PCDHA5: variants seen among roughly 807,000 people sequenced by gnomAD.
The protein encoded by PCDHA5 is protocadherin alpha-5.
In PCDHA5, 43 loss-of-function variants were observed where a neutral mutation model predicts 61.6. The ratio of observed to expected loss-of-function variants is 0.70; its 90% CI spans 0.55 to 0.90. The LOEUF (loss-of-function observed/expected upper bound fraction) is 0.90. PCDHA5 is among the 40% of genes least tolerant of loss of function. PCDHA5 has a pLI of 0.00. For missense variants in PCDHA5, 1,298 were observed against 1,222.7 expected (o/e 1.06, Z -0.92); for synonymous variants, 627 against 543.9 (o/e 1.15, Z -2.13).
chr5:140,842,896 C>G, intron 1 of PCDHA5: 1 of 1,594,370 alleles, frequency 6.3e-7, no homozygotes, highest in Non-Finnish European at 8.6e-7. Context: ...CGCTGGACCA[C>G]GAGGAGCTAG....
At position 140,858,524 on chromosome 5, in the gene PCDHA5, T is replaced by C. The variant is rs1562538927; in HGVS notation, c.2352+34397T>C. 9 of 1,408,436 alleles carry C rather than the reference T, an allele frequency of 6.4e-6. 1 individual carries two copies. Among genetic ancestry groups the C allele is most frequent in the Admixed American group, 2.0e-5 (1 of 49,940 alleles). The allele number at this position is 1,408,436 out of a possible 1,614,324, so 87.2% of individuals were successfully genotyped here. A position where few individuals can be genotyped will look rare whatever the true frequency, so the allele number is the denominator to read the frequency against. On this transcript the variant is annotated intron_variant, in intron 1 of 3. Coordinates refer to ENST00000529859, the MANE Select transcript of PCDHA5 (RefSeq NM_018908.3). ...TTTCTCAAATATGTATCAGAATATT[T>C]CATTTTTGTCTACATTCCATTTATG...
At chr5:140,971,952 C>T (rs782029862) in intron 1 of PCDHA5, among the ~76,000 whole-genome samples, 3 of 152,012 alleles carry the variant, frequency 2.0e-5, no homozygotes, top group Non-Finnish European at 4.4e-5. Context: ...CATCTGACTC[C>T]AAAAACTTTT....
chr5:140,870,898 G>A (rs781950776), intron 1 of PCDHA5: 124 of 1,613,858 alleles, frequency 7.7e-5, no homozygotes, highest in Non-Finnish European at 1.0e-4. Flanking sequence ...AGTGGATGCG[G>A]ACTCAGGCTA....
intron 1 of PCDHA5, chr5:140,830,390 A>T (rs1554132803): frequency 1.9e-6 from 3 of 1,614,042 alleles, no homozygotes; most frequent in East Asian, 2.2e-5. Flanking sequence ...CCCACCCAAG[A>T]TGGATCTCAT....
intron 1 of PCDHA5, chr5:140,926,708 C>G (rs1554203635): frequency 2.2e-6 from 2 of 896,142 alleles, no homozygotes; most frequent in South Asian, 5.3e-5. Context: ...CCCAGCTGGC[C>G]AGCCCCGGCA....
chr5:140,869,945 T>C lies in PCDHA5; in HGVS notation c.2352+45818T>C, dbSNP rs528075021. On this transcript the variant is annotated intron_variant, in intron 1 of 3. Transcript: ENST00000529859. ...GTCAATGGAGAGGTAACATACTCCTTAATGTCAATTAAGCCCAATGGAAGA... is the reference window on the plus strand; with the variant it reads ...GTCAATGGAGAGGTAACATACTCCTCAATGTCAATTAAGCCCAATGGAAGA... 8 of 1,612,376 alleles carry C rather than the reference T, an allele frequency of 5.0e-6. No individual in the cohort carries two copies. The African/African-American group carries it at 8.0e-5, about 16-fold the overall frequency.
At chr5:140,884,706 C>T (rs1554181856) in intron 1 of PCDHA5, 3 of 1,489,002 alleles carry the variant, frequency 2.0e-6, no homozygotes, top group Non-Finnish European at 8.9e-7. Flanking sequence ...ACACTTTAGC[C>T]TTCCTTGCAG....
chr5:140,912,261 C>T (rs2075834049), intron 1 of PCDHA5, among the ~76,000 whole-genome samples: 2 of 152,116 alleles, frequency 1.3e-5, no homozygotes, highest in Non-Finnish European at 2.9e-5. Context: ...TTGATGACAC[C>T]CTCACAGATA....
Position 140,928,713 on chromosome 5 carries a change from T to C in PCDHA5, c.2353-50236T>C, listed in dbSNP as rs535812769. The C allele has an allele frequency of 3.1e-6, 5 of 1,614,142 alleles. No individual in the cohort carries two copies. In the African/African-American group the frequency reaches 6.7e-5, roughly 22 times the overall value. ...ACATCTCCCGGGCGTCTGACTCTAG[T>C]CTCTTTAGAATTTCAGCCAATATAG... On this transcript the variant is annotated intron_variant, in intron 1 of 3. Coordinates refer to ENST00000529859, the MANE Select transcript of PCDHA5 (RefSeq NM_018908.3).
intron 1 of PCDHA5, chr5:140,882,030 T>G (rs1582587950): frequency 3.3e-6 from 2 of 612,804 alleles, no homozygotes; most frequent in East Asian, 5.9e-5. Flanking sequence ...CAATGGAAAA[T>G]ATGAAGACTG....
chr5:141,006,388 A>AT (rs2098271631), intron 3 of PCDHA5, among the ~76,000 whole-genome samples: 1 of 151,322 alleles, frequency 6.6e-6, no homozygotes, highest in African/African-American at 2.4e-5. Flanking sequence ...AGTTTTTTCT[A>AT]TTTTTTAGTA....
At chr5:140,971,207 A>C (rs2096463327) in intron 1 of PCDHA5, among the ~76,000 whole-genome samples, 1 of 152,050 alleles carries the variant, frequency 6.6e-6, no homozygotes, top group South Asian at 2.1e-4. Flanking sequence ...AGACACTGTT[A>C]CCCTCCCTCT....
At chr5:140,929,391 A>T (rs1563116530) in intron 1 of PCDHA5, 3 of 1,511,404 alleles carry the variant, frequency 2.0e-6, no homozygotes, top group Non-Finnish European at 2.7e-6. Context: ...GTTTTGAAAT[A>T]TTTCTTAGAC....
In PCDHA5 at chr5:140,857,593, G is replaced by C. The variant is rs782606088; in HGVS notation, c.2352+33466G>C. ...TGTCGGTGCACGCGGAGAGCGGCAAGGTGTACGCGCTGCAGCCGCTGGACC... is the reference window on the plus strand; with the variant it reads ...TGTCGGTGCACGCGGAGAGCGGCAACGTGTACGCGCTGCAGCCGCTGGACC... On this transcript the variant is annotated intron_variant, in intron 1 of 3. Coordinates refer to ENST00000529859, the MANE Select transcript of PCDHA5 (RefSeq NM_018908.3). 2.5e-6 allele frequency: 4 copies of C among 1,596,536 alleles called. No individual in the cohort carries two copies. The East Asian group carries it at 6.7e-5, about 27-fold the overall frequency.
intron 1 of PCDHA5, among the ~76,000 whole-genome samples, chr5:140,963,002 A>G (rs921334790): frequency 7.2e-5 from 11 of 152,242 alleles, no homozygotes; most frequent in African/African-American, 2.2e-4. Flanking sequence ...TACTAAAAAT[A>G]AGATCTGAAG....
chr5:141,003,654 A>G (rs1451170896), intron 3 of PCDHA5, among the ~76,000 whole-genome samples: 1 of 152,212 alleles, frequency 6.6e-6, no homozygotes, highest in Non-Finnish European at 1.5e-5. Flanking sequence ...ATCTGTATGC[A>G]TTTATTAAAA....
intron 1 of PCDHA5, among the ~76,000 whole-genome samples, chr5:140,923,122 C>T (rs1405376878): frequency 6.6e-6 from 1 of 152,130 alleles, no homozygotes; most frequent in Non-Finnish European, 1.5e-5. Context: ...TTTTTAGGGT[C>T]ACACTTTGAA....
At chr5:140,906,092 A>G (rs985090106) in intron 1 of PCDHA5, among the ~76,000 whole-genome samples, 2 of 152,140 alleles carry the variant, frequency 1.3e-5, no homozygotes, top group Non-Finnish European at 2.9e-5. Context: ...GACTGAGAGT[A>G]AGTGTGTCTT....
chr5:140,863,075 CG>C (rs2047768391), intron 1 of PCDHA5: 1 of 569,530 alleles, frequency 1.8e-6, no homozygotes, highest in South Asian at 1.4e-5. Context: ...GGGCTCTGCA[CG>C]GGCGAGATCA....
Sources: allele counts gnomAD v4.1 joint callset (sites outside exome capture counted in the v4.1 genomes callset), GRCh38; gene constraint gnomAD v4.1.1; transcripts MANE v1.5; gene names NCBI Gene and HGNC (gene_info 2026-07-23, HGNC 2026-07-21).